Variants in ADGRA3 observed in about 807,000 individuals in gnomAD.
ADGRA3 encodes adhesion G protein-coupled receptor A3.
In ADGRA3, 56 loss-of-function variants were observed where a neutral mutation model predicts 119.8. The observed-to-expected ratio is 0.47, with a 90% CI of 0.38 to 0.58. ADGRA3 has a LOEUF of 0.58. Among genes scored for constraint, ADGRA3 ranks in the 20% least tolerant of loss-of-function variants. The pLI is 0.00. For missense variants in ADGRA3, 1,516 were observed against 1,649.0 expected (o/e 0.92, Z 1.40); for synonymous variants, 607 against 623.8 (o/e 0.97, Z 0.40).
chr4:22,467,655 C>A (rs147070693), intron 2 of ADGRA3, among the ~76,000 whole-genome samples: 49 of 151,676 alleles, frequency 3.2e-4, no homozygotes, highest in African/African-American at 1.2e-3. Flanking sequence ...TGTACGTTTT[C>A]TTTAATAAAA....
At chr4:22,463,922 G>A (rs144783693) in intron 2 of ADGRA3, among the ~76,000 whole-genome samples, 20 of 152,220 alleles carry the variant, frequency 1.3e-4, no homozygotes, top group Non-Finnish European at 2.8e-4. Context: ...TCTCAAGAAC[G>A]TTGCTCTGGA....
chr4:22,460,488 G>C (rs1249013991), intron 3 of ADGRA3, among the ~76,000 whole-genome samples: 3 of 152,200 alleles, frequency 2.0e-5, no homozygotes, highest in Non-Finnish European at 4.4e-5. Flanking sequence ...AGGCACCAAA[G>C]GAATCTACAT....
intron 2 of ADGRA3, chr4:22,473,187 T>G (rs998011737): frequency 1.3e-5 from 2 of 152,198 alleles, no homozygotes; most frequent in African/African-American, 2.4e-5. Flanking sequence ...TCCTGAGGCC[T>G]CCTTAGAAGC....
At chr4:22,486,603 G>C (rs1718439612) in intron 1 of ADGRA3, among the ~76,000 whole-genome samples, 1 of 152,166 alleles carries the variant, frequency 6.6e-6, no homozygotes. Flanking sequence ...AAGGGAGGCA[G>C]ATGCAGGGGA....
Position 22,413,607 on chromosome 4 carries a change from T to C in ADGRA3, c.2017A>G (p.Lys673Glu), listed in dbSNP as rs1413427790. Reference sequence around the variant, plus strand: ...ACATATGCCACATACAAACCTATTTTGGTGAGAATCACAGGGGTAACCACA... The same window carrying C: ...ACATATGCCACATACAAACCTATTTCGGTGAGAATCACAGGGGTAACCACA... ...RTVVTPVILT[K>E]IDGVNVDTHH... The change falls in exon 13 of 19, where the codon AAA (lysine) becomes GAA (glutamate). Residue 673 changes from lysine (K) to glutamate (E), a missense_variant. Around this residue, in one of 2 missense-constraint regions of ADGRA3, gnomAD observed 1,088 missense variants for 1,107.1 expected, o/e 0.98. Transcript: ENST00000334304. 2.5e-6 allele frequency: 4 copies of C among 1,613,374 alleles called. No homozygotes were observed. Among genetic ancestry groups the C allele is most frequent in the Non-Finnish European group, 3.4e-6 (4 of 1,179,480 alleles).
intron 6 of ADGRA3, chr4:22,443,083 TAG>T (rs1489321326): frequency 1.5e-6 from 1 of 685,078 alleles, no homozygotes; most frequent in African/African-American, 1.8e-5. Context: ...TTCTGACATT[TAG>T]AGTTATTCCT....
chr4:22,443,939 T>C (rs558116055), intron 6 of ADGRA3, among the ~76,000 whole-genome samples: 1 of 152,290 alleles, frequency 6.6e-6, no homozygotes, highest in African/African-American at 2.4e-5. Flanking sequence ...GATAGCTTAT[T>C]TCCAAACAAA....
At chr4:22,466,888 G>A (rs1173134782) in intron 2 of ADGRA3, among the ~76,000 whole-genome samples, 1 of 152,176 alleles carries the variant, frequency 6.6e-6, no homozygotes, top group Non-Finnish European at 1.5e-5. Context: ...AGAGTGTGTG[G>A]ATGGATATGT....
chr4:22,458,780 A>T (rs1717335900), intron 3 of ADGRA3, among the ~76,000 whole-genome samples: 1 of 152,172 alleles, frequency 6.6e-6, no homozygotes, highest in African/African-American at 2.4e-5. Context: ...CACCTACCCC[A>T]GACCAGCCAG....
intron 1 of ADGRA3, among the ~76,000 whole-genome samples, chr4:22,498,074 T>C (rs1718906065): frequency 6.7e-6 from 1 of 150,044 alleles, no homozygotes; most frequent in Non-Finnish European, 1.5e-5. Context: ...ACCCCATCTC[T>C]ACTAAAAAAT....
At chr4:22,510,880 G>T (rs955118648) in intron 1 of ADGRA3, among the ~76,000 whole-genome samples, 1 of 152,174 alleles carries the variant, frequency 6.6e-6, no homozygotes, top group Non-Finnish European at 1.5e-5. Context: ...TCTTTTAATT[G>T]TTCCCTAAAT....
chr4:22,412,123 A>G (rs1256914770), intron 14 of ADGRA3, among the ~76,000 whole-genome samples: 1 of 152,150 alleles, frequency 6.6e-6, no homozygotes, highest in Non-Finnish European at 1.5e-5. Context: ...ATTTTCTAGA[A>G]AACAGATTTA....
intron 12 of ADGRA3, chr4:22,414,308 G>C: frequency 3.3e-6 from 1 of 300,832 alleles, no homozygotes; most frequent in South Asian, 7.5e-5. Context: ...CATAATAGAG[G>C]TTTAGATTCA....
intron 1 of ADGRA3, among the ~76,000 whole-genome samples, chr4:22,505,220 A>T (rs1458969905): frequency 6.6e-6 from 1 of 152,190 alleles, no homozygotes; most frequent in African/African-American, 2.4e-5. Flanking sequence ...GGTGGAAAAA[A>T]GGTTTTGTGC....
At position 22,474,772 on chromosome 4, in the gene ADGRA3, T is replaced by C. The variant is rs78088235; in HGVS notation, c.258-929A>G. 8.0e-3 allele frequency among the ~76,000 whole-genome samples: 1,216 copies of C among 152,288 alleles called. 30 individuals are homozygous for C. The highest frequency in any genetic ancestry group is 0.072 in the East Asian group (372 of 5,170). On this transcript the variant is annotated intron_variant, in intron 1 of 18. Coordinates refer to ENST00000334304, the MANE Select transcript of ADGRA3 (RefSeq NM_145290.4). Reference sequence around the variant, plus strand: ...CGCCAAGTTCTTCAACATACACTAATGTTGGTCACGAGGCACACTACAGGC... The same window carrying C: ...CGCCAAGTTCTTCAACATACACTAACGTTGGTCACGAGGCACACTACAGGC...
intron 17 of ADGRA3, among the ~76,000 whole-genome samples, chr4:22,392,265 T>G (rs1480769236): frequency 6.6e-6 from 1 of 152,140 alleles, no homozygotes; most frequent in African/African-American, 2.4e-5. Flanking sequence ...GCCAATCCCC[T>G]CTTAAGTGCT....
At chr4:22,458,728 A>C (rs1281249476) in intron 3 of ADGRA3, among the ~76,000 whole-genome samples, 2 of 152,106 alleles carry the variant, frequency 1.3e-5, no homozygotes, top group Non-Finnish European at 2.9e-5. Flanking sequence ...CTACCCTCCT[A>C]TAATGCTTAC....
chr4:22,431,228 A>G lies in ADGRA3; in HGVS notation c.1443+4083T>C, dbSNP rs528000559. ...AAAAGGCCACCGTCCTCCAGACCCC[A>G]GAATGATAGATCCACCAACAGCTTG... On this transcript the variant is annotated intron_variant, in intron 10 of 18. Coordinates refer to ENST00000334304, the MANE Select transcript of ADGRA3 (RefSeq NM_145290.4). Among the ~76,000 whole-genome samples the G allele has an allele frequency of 1.6e-4, 20 of 125,896 alleles. 1 individual carries two copies. The South Asian group carries it at 5.1e-3, about 32-fold the overall frequency. 82.6% of individuals were successfully genotyped at this position (125,896 alleles called of 152,430 possible).
chr4:22,402,271 A>C (rs373378674), intron 15 of ADGRA3, among the ~76,000 whole-genome samples: 16 of 152,278 alleles, frequency 1.1e-4, no homozygotes, highest in African/African-American at 3.8e-4. Context: ...TAAAATAAAG[A>C]ATATCATAAT....
Sources: allele counts gnomAD v4.1 joint callset (sites outside exome capture counted in the v4.1 genomes callset), GRCh38; gene constraint gnomAD v4.1.1; regional missense constraint gnomAD v4.1.1; transcripts MANE v1.5; gene names NCBI Gene and HGNC (gene_info 2026-07-23, HGNC 2026-07-21).